RNF220: variants seen among roughly 807,000 people sequenced by gnomAD.
The protein encoded by RNF220 is E3 ubiquitin-protein ligase RNF220.
RNF220 carries 7 observed loss-of-function variants against 67.1 expected under a neutral mutation model. That is an observed-to-expected ratio of 0.10 (90% CI 0.06 to 0.20). The LOEUF (loss-of-function observed/expected upper bound fraction) is 0.20. Ranked by LOEUF, RNF220 falls within the 10% of genes least tolerant of loss-of-function variation. The probability of loss-of-function intolerance (pLI) is 1.00; values close to 1 mark genes in which losing one functional copy is unlikely to be tolerated. For synonymous variants in RNF220, 270 were observed against 283.2 expected (o/e 0.95, Z 0.47); for missense variants, 565 against 740.3 (o/e 0.76, Z 2.75).
chr1:44,569,592 G>A (rs954212033), intron 2 of RNF220, among the ~76,000 whole-genome samples: 8 of 152,200 alleles, frequency 5.3e-5, no homozygotes, highest in African/African-American at 1.9e-4. Context: ...CCATGACTTT[G>A]CTGCCAGAGG....
intron 2 of RNF220, among the ~76,000 whole-genome samples, chr1:44,489,462 G>C (rs1168448948): frequency 6.6e-6 from 1 of 152,222 alleles, no homozygotes; most frequent in Non-Finnish European, 1.5e-5. Flanking sequence ...CGTATTCTTT[G>C]AGATTCTGTT....
chr1:44,456,120 A>T (rs983320305), intron 2 of RNF220, among the ~76,000 whole-genome samples: 1 of 152,224 alleles, frequency 6.6e-6, no homozygotes, highest in African/African-American at 2.4e-5. Context: ...AGAATACACA[A>T]AAGCCATTGG....
At chr1:44,570,966 C>T (rs1411975937) in intron 2 of RNF220, among the ~76,000 whole-genome samples, 2 of 151,880 alleles carry the variant, frequency 1.3e-5, no homozygotes, top group Non-Finnish European at 2.9e-5. Context: ...CCTAGCTACT[C>T]AGGAGGCTGA....
chr1:44,599,955 G>C (rs1247786797), intron 2 of RNF220, among the ~76,000 whole-genome samples: 1 of 152,092 alleles, frequency 6.6e-6, no homozygotes, highest in Non-Finnish European at 1.5e-5. Flanking sequence ...AGGGGAGAGA[G>C]ATACATGAGG....
chr1:44,415,279 A>G (rs1222604343), intron 2 of RNF220, among the ~76,000 whole-genome samples: 1 of 151,908 alleles, frequency 6.6e-6, no homozygotes. Flanking sequence ...GATGCCTTTC[A>G]GGTCCTCCCT....
chr1:44,588,930 C>A (rs1665907821), intron 2 of RNF220, among the ~76,000 whole-genome samples: 1 of 152,250 alleles, frequency 6.6e-6, no homozygotes, highest in African/African-American at 2.4e-5. Flanking sequence ...CTCCACCAAC[C>A]CTCACCCTGC....
chr1:44,425,615 C>A (rs1273078100), intron 2 of RNF220, among the ~76,000 whole-genome samples: 1 of 152,176 alleles, frequency 6.6e-6, no homozygotes, highest in Non-Finnish European at 1.5e-5. Context: ...CTGGGCCTGT[C>A]ATTTACTAGC....
At chr1:44,609,328 A>G (rs1303718887) in intron 2 of RNF220, among the ~76,000 whole-genome samples, 3 of 152,114 alleles carry the variant, frequency 2.0e-5, no homozygotes, top group African/African-American at 7.2e-5. Context: ...TGGTCTGTAG[A>G]GAAAAAATAG....
chr1:44,478,251 C>T (rs573453555), intron 2 of RNF220, among the ~76,000 whole-genome samples: 9 of 152,110 alleles, frequency 5.9e-5, no homozygotes, highest in African/African-American at 2.2e-4. Flanking sequence ...AATGCAGCCT[C>T]CCCCAATTTT....
At position 44,510,087 on chromosome 1, in the gene RNF220, C is replaced by T. The variant is rs181384313; in HGVS notation, c.625+97365C>T. 2.3e-3 allele frequency among the ~76,000 whole-genome samples: 348 copies of T among 151,046 alleles called. 1 individual carries two copies. Among genetic ancestry groups the T allele is most frequent in the Non-Finnish European group, 3.6e-3 (243 of 67,686 alleles). On this transcript the variant is annotated intron_variant, in intron 2 of 14. Transcript: ENST00000361799. The stretch of plus-strand genomic sequence containing the variant: ...ACTCTGTCTCTATTAAAAAATAAAA[C>T]AATTAGCCAGGCATAGTGGTGTGCA...
In RNF220 at chr1:44,632,405, T is replaced by TGCCCCCCCCCC; in HGVS notation, c.949+20_949+21insGCCCCCCCCCC. 1 of 1,104,974 alleles carries TGCCCCCCCCCC rather than the reference T, an allele frequency of 9.0e-7. No individual in the cohort carries two copies. Among genetic ancestry groups the TGCCCCCCCCCC allele is most frequent in the East Asian group, 5.3e-5 (1 of 18,950 alleles). 68.4% of individuals were successfully genotyped at this position (1,104,974 alleles called of 1,614,324 possible). A position where few individuals can be genotyped will look rare whatever the true frequency, so the allele number is the denominator to read the frequency against. On this transcript the variant is annotated intron_variant, in intron 6 of 14. Transcript: ENST00000361799. The stretch of plus-strand genomic sequence containing the variant: ...TGAATGGTGAGTCCTGCCCGGCCCC[T>TGCCCCCCCCCC]CCCTCCGCCCCACCCCCGGCCTCCT...
intron 2 of RNF220, among the ~76,000 whole-genome samples, chr1:44,519,042 A>G (rs1343677690): frequency 1.3e-5 from 2 of 152,134 alleles, no homozygotes; most frequent in Non-Finnish European, 2.9e-5. Context: ...ACAGGTTTCT[A>G]ATTTGAACAG....
At chr1:44,504,539 T>G (rs1478182122) in intron 2 of RNF220, among the ~76,000 whole-genome samples, 2 of 150,680 alleles carry the variant, frequency 1.3e-5, no homozygotes, top group Admixed American at 1.3e-4. Flanking sequence ...GGATCCGGGT[T>G]TGTGACAGCA....
At chr1:44,630,874 G>A (rs539590673) in intron 5 of RNF220, among the ~76,000 whole-genome samples, 2 of 152,376 alleles carry the variant, frequency 1.3e-5, no homozygotes, top group South Asian at 4.1e-4. Context: ...AGGCCTATAT[G>A]CCTTGATGGA....
rs1322683831 is a variant in RNF220 at position 44,649,055 on chromosome 1, G to A, written c.1446-606G>A. 1 of 162,010 alleles carries A rather than the reference G, an allele frequency of 6.2e-6. No individual in the cohort carries two copies. Among genetic ancestry groups the A allele is most frequent in the Non-Finnish European group, 1.4e-5 (1 of 73,682 alleles). 10.0% of individuals were successfully genotyped at this position (162,010 alleles called of 1,614,324 possible). On this transcript the variant is annotated intron_variant, in intron 12 of 14. Coordinates refer to ENST00000361799, the MANE Select transcript of RNF220 (RefSeq NM_018150.4). This position sits in a 1 kb window ranked among gnomAD's most constrained non-coding sequence, Gnocchi z 5.9. ...ATCACAGTGCAGAGGCCAAGGCAGTGAAAAAGGTGGCGTGGATGGTGACAC... is the reference window on the plus strand; with the variant it reads ...ATCACAGTGCAGAGGCCAAGGCAGTAAAAAAGGTGGCGTGGATGGTGACAC...
intron 2 of RNF220, among the ~76,000 whole-genome samples, chr1:44,438,683 T>G (rs764910577): frequency 6.6e-6 from 1 of 152,210 alleles, no homozygotes; most frequent in Non-Finnish European, 1.5e-5. Flanking sequence ...ACAAAAACCC[T>G]ATACCAGAGA....
chr1:44,494,946 C>T (rs1048320773), intron 2 of RNF220, among the ~76,000 whole-genome samples: 10 of 152,202 alleles, frequency 6.6e-5, no homozygotes, highest in African/African-American at 2.4e-4. Flanking sequence ...AGCACAGTGG[C>T]TCACGCCTGT....
chr1:44,565,941 C>A lies in RNF220; in HGVS notation c.626-48224C>A, dbSNP rs13373830. Among the ~76,000 whole-genome samples, 10,442 of 152,238 alleles carry A rather than the reference C, an allele frequency of 0.069. 389 individuals are homozygous for A. Among genetic ancestry groups the A allele is most frequent in the Non-Finnish European group, 0.087 (5,904 of 68,002 alleles). ...CTCCCCACCTCAGCCTCTCGCCCTCCCTCTCTGCTCCACATTGATATAAAT... is the reference window on the plus strand; with the variant it reads ...CTCCCCACCTCAGCCTCTCGCCCTCACTCTCTGCTCCACATTGATATAAAT... On this transcript the variant is annotated intron_variant, in intron 2 of 14. Transcript: ENST00000361799. The surrounding 1 kb of genome is among the most constrained non-coding windows in gnomAD (Gnocchi z 4.2).
In RNF220 at chr1:44,645,584, C is replaced by G. The variant is rs553858337; in HGVS notation, c.1445+96C>G. 6.6e-5 allele frequency: 83 copies of G among 1,255,890 alleles called. No homozygotes were observed. In the African/African-American group the frequency reaches 9.8e-4, roughly 15 times the overall value. The allele number at this position is 1,255,890 out of a possible 1,614,324, so 77.8% of individuals were successfully genotyped here. A position where few individuals can be genotyped will look rare whatever the true frequency, so the allele number is the denominator to read the frequency against. On this transcript the variant is annotated intron_variant, in intron 12 of 14. Coordinates refer to ENST00000361799, the MANE Select transcript of RNF220 (RefSeq NM_018150.4). The surrounding 1 kb of genome is among the most constrained non-coding windows in gnomAD (Gnocchi z 5.0). ...AGGCCTGCTGCCAGGGCTTCTGGCCCTCCCAAGTGCAGCTCAGTGCTGCTG... is the reference window on the plus strand; with the variant it reads ...AGGCCTGCTGCCAGGGCTTCTGGCCGTCCCAAGTGCAGCTCAGTGCTGCTG...
Sources: gnomAD v4.1 joint callset for allele counts (sites outside exome capture counted in the v4.1 genomes callset) on GRCh38, gnomAD v4.1.1 for gene constraint, Gnocchi (gnomAD v3.1) non-coding constraint, MANE v1.5 for transcripts, NCBI Gene and HGNC (gene_info 2026-07-23, HGNC 2026-07-21) for gene names.